The following RUNX2 variants were observed in gnomAD, a reference collection of about 807,000 sequenced individuals.
RUNX2 encodes RUNX family transcription factor 2, also known as runt-related transcription factor 2.
In RUNX2, 10 loss-of-function variants were observed where a neutral mutation model predicts 51.7. That is an observed-to-expected ratio of 0.19 (90% CI 0.12 to 0.33). The LOEUF (loss-of-function observed/expected upper bound fraction) is 0.33, where lower values mean the gene tolerates loss of function less well. Ranked by LOEUF, RUNX2 falls within the 10% of genes least tolerant of loss-of-function variation. The probability of loss-of-function intolerance (pLI) is 1.00; values close to 1 mark genes in which losing one functional copy is unlikely to be tolerated. For synonymous variants in RUNX2, 276 were observed against 273.6 expected, an observed-to-expected ratio of 1.01 and a Z score of -0.09; for missense variants, 562 against 691.3, an observed-to-expected ratio of 0.81 and a Z score of 2.10.
intron 5 of RUNX2, among the ~76,000 whole-genome samples, chr6:45,462,398 T>C (rs1337971823): frequency 1.3e-5 from 2 of 152,234 alleles, no homozygotes; most frequent in Non-Finnish European, 2.9e-5. Flanking sequence ...TATGTGTATC[T>C]GTGGGAGGGA....
At position 45,431,952 on chromosome 6, in the gene RUNX2, C is replaced by A. The variant is rs1179223726; in HGVS notation, c.513C>A (p.Ala171=). The change falls in exon 4 of 9, where the codon GCC becomes GCA. Residue 171 remains alanine, a synonymous_variant. Transcript: ENST00000647337. ...ATTATTCTGCTGAGCTCCGGAATGCCTCTGCTGTTATGAAAAACCAAGTAG... is the reference window on the plus strand; with the variant it reads ...ATTATTCTGCTGAGCTCCGGAATGCATCTGCTGTTATGAAAAACCAAGTAG... ...DENYSAELRN[A]SAVMKNQVAR... 3 of 1,614,008 alleles carry A rather than the reference C, an allele frequency of 1.9e-6. No homozygotes were observed. Among genetic ancestry groups the A allele is most frequent in the Non-Finnish European group, 2.5e-6 (3 of 1,180,018 alleles).
chr6:45,366,890 T>C (rs1369208106), intron 2 of RUNX2, among the ~76,000 whole-genome samples: 1 of 152,186 alleles, frequency 6.6e-6, no homozygotes, highest in African/African-American at 2.4e-5. Flanking sequence ...CTACATCTTC[T>C]ATCTCCATCT....
At chr6:45,450,502 G>C (rs1346062072) in intron 5 of RUNX2, among the ~76,000 whole-genome samples, 2 of 152,192 alleles carry the variant, frequency 1.3e-5, no homozygotes, top group African/African-American at 4.8e-5. Context: ...AAAAAGGCAA[G>C]AAACAAGTAA....
intron 2 of RUNX2, among the ~76,000 whole-genome samples, chr6:45,356,928 T>C (rs1283610321): frequency 1.3e-5 from 2 of 152,226 alleles, no homozygotes; most frequent in Non-Finnish European, 1.5e-5. Flanking sequence ...GGCAAATCAA[T>C]ATATAATATA....
At chr6:45,394,628 A>AC (rs1797543839) in intron 2 of RUNX2, among the ~76,000 whole-genome samples, 1 of 152,116 alleles carries the variant, frequency 6.6e-6, no homozygotes, top group Non-Finnish European at 1.5e-5. Flanking sequence ...TGTGAACTTC[A>AC]CAAGTGCTTC....
At position 45,390,179 on chromosome 6, in the gene RUNX2, A is replaced by G. The variant is rs147360431; in HGVS notation, c.59-32414A>G. On this transcript the variant is annotated intron_variant, in intron 2 of 8. Coordinates refer to ENST00000647337, the MANE Select transcript of RUNX2 (RefSeq NM_001024630.4). ...CCTTCAGATTCTTTGGCTTCCATGAATAGTATTTGGCTTCTCAGTAATGTG... is the reference window on the plus strand; with the variant it reads ...CCTTCAGATTCTTTGGCTTCCATGAGTAGTATTTGGCTTCTCAGTAATGTG... Among the ~76,000 whole-genome samples, 20 of 152,294 alleles carry G rather than the reference A, an allele frequency of 1.3e-4. No individual in the cohort carries two copies. In the East Asian group the frequency reaches 3.7e-3, roughly 28 times the overall value.
At chr6:45,344,177 T>C (rs761218350) in intron 2 of RUNX2, among the ~76,000 whole-genome samples, 1 of 152,208 alleles carries the variant, frequency 6.6e-6, no homozygotes, top group Non-Finnish European at 1.5e-5. Flanking sequence ...AAATACTTAG[T>C]AGTATACAAA....
At chr6:45,472,944 C>T (rs756371423) in intron 5 of RUNX2, among the ~76,000 whole-genome samples, 6 of 152,116 alleles carry the variant, frequency 3.9e-5, no homozygotes, top group Non-Finnish European at 7.3e-5. Context: ...AATCTTTAGT[C>T]GTCTGAAAGG....
chr6:45,403,360 A>G (rs1170462323), intron 2 of RUNX2, among the ~76,000 whole-genome samples: 1 of 151,180 alleles, frequency 6.6e-6, no homozygotes, highest in Non-Finnish European at 1.5e-5. Flanking sequence ...CAGCCTCCCA[A>G]GTAGCTGGGA....
At chr6:45,474,428 T>A (rs1433256545) in intron 5 of RUNX2, among the ~76,000 whole-genome samples, 3 of 152,016 alleles carry the variant, frequency 2.0e-5, no homozygotes, top group Admixed American at 6.6e-5. Flanking sequence ...CAATACAATG[T>A]GTGCATTGTG....
chr6:45,344,936 T>A (rs2077120585), intron 2 of RUNX2, among the ~76,000 whole-genome samples: 1 of 152,148 alleles, frequency 6.6e-6, no homozygotes, highest in Non-Finnish European at 1.5e-5. Flanking sequence ...GTAGTTGCCA[T>A]GGACTATGCT....
intron 3 of RUNX2, among the ~76,000 whole-genome samples, chr6:45,427,300 A>G (rs184573271): frequency 1.1e-3 from 171 of 152,164 alleles, no homozygotes; most frequent in African/African-American, 3.8e-3. Context: ...AAATTCCAGA[A>G]TATCTATTGT....
intron 2 of RUNX2, among the ~76,000 whole-genome samples, chr6:45,375,264 A>C (rs764073803): frequency 6.6e-6 from 1 of 152,172 alleles, no homozygotes; most frequent in African/African-American, 2.4e-5. Context: ...AAAACTATAT[A>C]TTACAAGTCC....
intron 7 of RUNX2, among the ~76,000 whole-genome samples, chr6:45,520,249 C>T (rs772905236): frequency 2.0e-5 from 3 of 152,192 alleles, no homozygotes; most frequent in Admixed American, 2.0e-4. Flanking sequence ...TATTAGAAAG[C>T]ATTTCACACA....
chr6:45,447,279 C>A (rs1356731400), intron 5 of RUNX2, among the ~76,000 whole-genome samples: 4 of 152,198 alleles, frequency 2.6e-5, no homozygotes, highest in African/African-American at 7.2e-5. Flanking sequence ...TGCAGGTCAA[C>A]TGTAGCAATG....
rs1319395962 is a variant in RUNX2 at position 45,550,433 on chromosome 6, G to A, written c.*3128G>A. ...GTGATAAATTCAGAAGGGAGGAGATGTGTGTACAGCTTTAAGGATTCCCTC... is the reference window on the plus strand; with the variant it reads ...GTGATAAATTCAGAAGGGAGGAGATATGTGTACAGCTTTAAGGATTCCCTC... On this transcript the variant is annotated 3_prime_UTR_variant, in exon 9 of 9. Coordinates refer to ENST00000647337, the MANE Select transcript of RUNX2 (RefSeq NM_001024630.4). The A allele has an allele frequency of 2.0e-5, 3 of 152,258 alleles. No individual in the cohort carries two copies. The highest frequency in any genetic ancestry group is 2.9e-5 in the Non-Finnish European group (2 of 68,044). 9.4% of individuals were successfully genotyped at this position (152,258 alleles called of 1,614,324 possible).
intron 5 of RUNX2, among the ~76,000 whole-genome samples, chr6:45,481,717 C>T (rs1238934504): frequency 1.3e-5 from 2 of 152,196 alleles, no homozygotes; most frequent in Non-Finnish European, 1.5e-5. Context: ...CTTCTGGTCT[C>T]TTTGCTCCAC....
At chr6:45,429,100 A>G (rs773507920) in intron 3 of RUNX2, among the ~76,000 whole-genome samples, 1 of 152,194 alleles carries the variant, frequency 6.6e-6, no homozygotes, top group African/African-American at 2.4e-5. Flanking sequence ...AGTATCTTCT[A>G]CATTTTGCAG....
At chr6:45,436,494 G>T (rs1427997453) in intron 4 of RUNX2, among the ~76,000 whole-genome samples, 1 of 152,126 alleles carries the variant, frequency 6.6e-6, no homozygotes, top group Non-Finnish European at 1.5e-5. Flanking sequence ...CACTTAATAC[G>T]TTTCTAATTG....
Sources: allele counts gnomAD v4.1 joint callset (sites outside exome capture counted in the v4.1 genomes callset), GRCh38; gene constraint gnomAD v4.1.1; transcripts MANE v1.5; gene names NCBI Gene and HGNC (gene_info 2026-07-23, HGNC 2026-07-21).